LEPR: variants seen among roughly 807,000 people sequenced by gnomAD.
The protein encoded by LEPR is OB receptor.
A neutral mutation model predicts 114.7 loss-of-function variants in LEPR; 56 were observed. The ratio of observed to expected loss-of-function variants is 0.49; its 90% confidence interval spans 0.39 to 0.61. LEPR has a LOEUF of 0.61. Among genes scored for constraint, LEPR ranks in the 20% least tolerant of loss-of-function variants. The pLI is 0.00. For synonymous variants in LEPR, 443 were observed against 461.4 expected (o/e 0.96, Z 0.51); for missense variants, 1,202 against 1,352.9 (o/e 0.89, Z 1.75).
At chr1:65,434,726 G>C (rs1325546716) in intron 2 of LEPR, 1 of 985,236 alleles carries the variant, frequency 1.0e-6, no homozygotes, top group Non-Finnish European at 1.2e-6. Context: ...ATGCCCTTGA[G>C]ATCCAGGTAC....
intron 2 of LEPR, among the ~76,000 whole-genome samples, chr1:65,475,100 A>G (rs891829193): frequency 5.3e-5 from 8 of 151,866 alleles, no homozygotes; most frequent in Non-Finnish European, 1.0e-4. Flanking sequence ...TTAGAAACTC[A>G]AAAAGTAAAG....
intron 4 of LEPR, among the ~76,000 whole-genome samples, chr1:65,571,984 A>AAAAAT (rs1436686956): frequency 6.7e-6 from 1 of 149,824 alleles, no homozygotes; most frequent in Non-Finnish European, 1.5e-5. Context: ...AAAAAAAAAA[A>AAAAAT]AAAAAGGAAA....
At position 65,475,427 on chromosome 1, in the gene LEPR, G is replaced by T. The variant is rs138378420; in HGVS notation, c.-21+50049G>T. On this transcript the variant is annotated intron_variant, in intron 2 of 19. Transcript: ENST00000349533. The stretch of plus-strand genomic sequence containing the variant: ...TCAGTCACCTTTTTGCAGGAATTTG[G>T]ATGTTGAGCAGAGCCAACACAAAGC... Among the ~76,000 whole-genome samples the T allele has an allele frequency of 1.6e-4, 24 of 151,764 alleles. 1 individual carries two copies. The East Asian group carries it at 4.6e-3, about 29-fold the overall frequency.
At chr1:65,565,013 G>T (rs969496333) in intron 2 of LEPR, among the ~76,000 whole-genome samples, 1 of 152,124 alleles carries the variant, frequency 6.6e-6, no homozygotes, top group African/African-American at 2.4e-5. Context: ...TACCTCATCT[G>T]CAAATAAACA....
intron 5 of LEPR, among the ~76,000 whole-genome samples, chr1:65,585,521 A>G (rs1198017951): frequency 6.6e-6 from 1 of 152,058 alleles, no homozygotes; most frequent in African/African-American, 2.4e-5. Context: ...TTGTGTAAAA[A>G]TATTACCAAA....
intron 2 of LEPR, among the ~76,000 whole-genome samples, chr1:65,450,718 A>C (rs1407489594): frequency 5.0e-4 from 73 of 144,952 alleles, no homozygotes; most frequent in African/African-American, 1.8e-3. Flanking sequence ...GCTATTGTGA[A>C]TAATGCCGCA....
intron 1 of LEPR, among the ~76,000 whole-genome samples, chr1:65,423,645 T>C (rs886894263): frequency 1.3e-5 from 2 of 152,134 alleles, no homozygotes; most frequent in African/African-American, 2.4e-5. Context: ...AAATTGACAG[T>C]GTTTCTTTGT....
chr1:65,622,827 G>A, intron 18 of LEPR, 79 bp from the exon 19 acceptor site: 8 of 1,473,618 alleles, frequency 5.4e-6, no homozygotes, highest in Non-Finnish European at 7.5e-6. Flanking sequence ...CTAATTTCTA[G>A]CTTGTCTGTT....
intron 2 of LEPR, chr1:65,434,891 A>G: frequency 1.0e-6 from 1 of 985,492 alleles, no homozygotes; most frequent in Non-Finnish European, 1.2e-6. Context: ...TGCTGAGAAG[A>G]AAGCAGATCA....
At chr1:65,435,607 T>C (rs1570443937) in intron 2 of LEPR, 1 of 739,894 alleles carries the variant, frequency 1.4e-6, no homozygotes, top group Non-Finnish European at 1.7e-6. Context: ...GACCTCATGA[T>C]CCGCCCGCCT....
intron 2 of LEPR, among the ~76,000 whole-genome samples, chr1:65,495,224 G>A (rs1648091771): frequency 6.6e-6 from 1 of 151,876 alleles, no homozygotes; most frequent in Non-Finnish European, 1.5e-5. Flanking sequence ...AGCAAAAAAA[G>A]CCAATAACCC....
chr1:65,458,184 G>A (rs2100361816), intron 2 of LEPR, among the ~76,000 whole-genome samples: 1 of 152,312 alleles, frequency 6.6e-6, no homozygotes, highest in Non-Finnish European at 1.5e-5. Flanking sequence ...ATAGTGGAGG[G>A]AAAGTCTTTT....
intron 2 of LEPR, among the ~76,000 whole-genome samples, chr1:65,529,820 A>T (rs1342841984): frequency 6.6e-6 from 1 of 152,158 alleles, no homozygotes; most frequent in East Asian, 1.9e-4. Context: ...CTTCCAGGAC[A>T]CCATGCATTC....
chr1:65,503,298 A>G (rs1432874752), intron 2 of LEPR, among the ~76,000 whole-genome samples: 1 of 152,192 alleles, frequency 6.6e-6, no homozygotes, highest in African/African-American at 2.4e-5. Flanking sequence ...AACTTAATGT[A>G]TGAAAATTGT....
At chr1:65,606,302 G>A (rs762257303) in intron 11 of LEPR, among the ~76,000 whole-genome samples, 2 of 152,040 alleles carry the variant, frequency 1.3e-5, no homozygotes, top group African/African-American at 2.4e-5. Flanking sequence ...CCCCAAACAT[G>A]CACAGATAAT....
intron 2 of LEPR, among the ~76,000 whole-genome samples, chr1:65,550,371 G>T (rs967616807): frequency 6.6e-6 from 1 of 152,208 alleles, no homozygotes; most frequent in South Asian, 2.1e-4. Flanking sequence ...ATTTAAGTCT[G>T]CAGAGGTTAC....
chr1:65,429,581 A>G (rs9436300), intron 2 of LEPR, among the ~76,000 whole-genome samples: 104,318 of 152,016 alleles, frequency 0.69, 36,801 homozygotes, highest in African/African-American at 0.79. Context: ...TTCTGTCTTT[A>G]AAGAAATTGT....
chr1:65,631,303 A>G (rs992426270), intron 19 of LEPR, among the ~76,000 whole-genome samples: 10 of 152,122 alleles, frequency 6.6e-5, no homozygotes, highest in Admixed American at 5.9e-4. Context: ...CAGAACTTCC[A>G]TTAGGCCCCA....
intron 2 of LEPR, chr1:65,430,018 A>T: frequency 6.4e-7 from 1 of 1,563,524 alleles, no homozygotes; most frequent in Non-Finnish European, 8.7e-7. Flanking sequence ...CTGCCTTTGG[A>T]TTTCCTGTTA....
Sources: allele counts gnomAD v4.1 joint callset (sites outside exome capture counted in the v4.1 genomes callset), GRCh38; gene constraint gnomAD v4.1.1; transcripts MANE v1.5; gene names NCBI Gene and HGNC (gene_info 2026-07-23, HGNC 2026-07-21).